Variants in MYO1E observed in about 807,000 individuals in gnomAD.
The protein encoded by MYO1E is myosin IE, also known as unconventional myosin-Ie.
A neutral mutation model predicts 151.1 loss-of-function variants in MYO1E; 68 were observed. The observed-to-expected ratio is 0.45, with a 90% CI of 0.37 to 0.55. The LOEUF (loss-of-function observed/expected upper bound fraction) is 0.55. Among genes scored for constraint, MYO1E ranks in the 20% least tolerant of loss-of-function variants. The pLI is 0.00. For synonymous variants in MYO1E, 601 were observed against 501.7 expected, an observed-to-expected ratio of 1.20 and a Z score of -2.64; for missense variants, 1,363 against 1,389.3, an observed-to-expected ratio of 0.98 and a Z score of 0.30.
At chr15:59,322,978 G>A (rs147339938) in intron 1 of MYO1E, among the ~76,000 whole-genome samples, 4,983 of 149,720 alleles carry the variant, frequency 0.033, 250 homozygotes, top group African/African-American at 0.11. Context: ...TGGCTAACAC[G>A]GTGAAACTCC....
chr15:59,347,354 GC>G (rs1261216674), intron 1 of MYO1E, among the ~76,000 whole-genome samples: 2 of 152,180 alleles, frequency 1.3e-5, no homozygotes, highest in Non-Finnish European at 2.9e-5. Flanking sequence ...ACCCCAGGCT[GC>G]AGAAAAGCTG....
intron 1 of MYO1E, among the ~76,000 whole-genome samples, chr15:59,372,016 C>T (rs541203938): frequency 2.0e-5 from 3 of 149,920 alleles, no homozygotes; most frequent in African/African-American, 7.3e-5. Context: ...TGCCGGGCAG[C>T]GGAGCGGCGG....
rs572681129 is a variant in MYO1E at position 59,180,128 on chromosome 15, C to T, written c.1905-1591G>A. Among the ~76,000 whole-genome samples, 18 of 152,284 alleles carry T rather than the reference C, an allele frequency of 1.2e-4. No individual in the cohort carries two copies. The South Asian group carries it at 3.3e-3, about 28-fold the overall frequency. On this transcript the variant is annotated intron_variant, in intron 18 of 27. Transcript: ENST00000288235. ...CTTGCCTGATAATATCATAAACTTC[C>T]TAGAGAGGTAAATCCTCCTATTCCC... is the stretch of plus-strand genomic sequence containing the variant.
Position 59,268,023 on chromosome 15 carries a change from G to C in MYO1E, c.147+4283C>G, listed in dbSNP as rs373534248. ...GACTTTCAACACAAGACAATGTGCAGGAATTAGATATAGAAGGGATAAAGT... is the reference window on the plus strand; with the variant it reads ...GACTTTCAACACAAGACAATGTGCACGAATTAGATATAGAAGGGATAAAGT... On this transcript the variant is annotated intron_variant, in intron 2 of 27. Transcript: ENST00000288235. 3.2e-4 allele frequency among the ~76,000 whole-genome samples: 48 copies of C among 152,206 alleles called. No individual in the cohort carries two copies. In the East Asian group the frequency reaches 5.2e-3, roughly 17 times the overall value.
chr15:59,229,656 T>G (rs770439245), intron 6 of MYO1E, among the ~76,000 whole-genome samples: 3 of 152,118 alleles, frequency 2.0e-5, no homozygotes, highest in Non-Finnish European at 4.4e-5. Flanking sequence ...AAATCGTGTT[T>G]GAAGTATTTC....
chr15:59,294,344 A>G (rs568660143), intron 1 of MYO1E, among the ~76,000 whole-genome samples: 1 of 152,312 alleles, frequency 6.6e-6, no homozygotes, highest in African/African-American at 2.4e-5. Context: ...CAGGAACTAA[A>G]TAGATCTGTA....
At position 59,324,175 on chromosome 15, in the gene MYO1E, G is replaced by A. The variant is rs545172168; in HGVS notation, c.3+48323C>T. The stretch of plus-strand genomic sequence containing the variant: ...ATATATCCGTGTGGGCAGTGAGGCA[G>A]TGAATGACATCTAAACTGTTAGAAA... On this transcript the variant is annotated intron_variant, in intron 1 of 27. Transcript: ENST00000288235. 3.6e-4 allele frequency among the ~76,000 whole-genome samples: 55 copies of A among 152,284 alleles called. No individual in the cohort carries two copies. The South Asian group carries it at 0.011, about 31-fold the overall frequency.
chr15:59,339,296 G>A (rs2080749012), intron 1 of MYO1E, among the ~76,000 whole-genome samples: 1 of 152,188 alleles, frequency 6.6e-6, no homozygotes, highest in Non-Finnish European at 1.5e-5. Context: ...CTTGGATACA[G>A]ATTTTATGTG....
chr15:59,269,242 A>T (rs941577169), intron 2 of MYO1E, among the ~76,000 whole-genome samples: 1 of 152,012 alleles, frequency 6.6e-6, no homozygotes, highest in African/African-American at 2.4e-5. Context: ...ATTTGGTTTC[A>T]CCCTACAACA....
chr15:59,206,973 C>T, intron 14 of MYO1E: 1 of 1,614,054 alleles, frequency 6.2e-7, no homozygotes, highest in African/African-American at 1.3e-5. Flanking sequence ...TGCGGGCCAG[C>T]CAGAGAGTGA....
intron 10 of MYO1E, among the ~76,000 whole-genome samples, chr15:59,216,671 T>TGTGTGTGTGTGTGTGTGTGTG (rs1400948189): frequency 3.7e-5 from 1 of 27,072 alleles, no homozygotes; most frequent in African/African-American, 1.2e-4. Context: ...TATGTGTATA[T>TGTGTGTGTGTGTGTGTGTGTG]ATATATATAT....
intron 22 of MYO1E, 88 bp from the exon 23 acceptor site, chr15:59,163,391 G>T: frequency 1.5e-6 from 2 of 1,316,818 alleles, no homozygotes; most frequent in Non-Finnish European, 2.1e-6. Context: ...TAAAAATCCT[G>T]CAAGATAGTG....
At chr15:59,236,924 A>C (rs960452165) in intron 4 of MYO1E, among the ~76,000 whole-genome samples, 2 of 152,260 alleles carry the variant, frequency 1.3e-5, no homozygotes, top group East Asian at 1.9e-4. Context: ...CTGACCATTA[A>C]GCATTTTACA....
Position 59,304,696 on chromosome 15 carries a change from C to T in MYO1E, c.4-32247G>A, listed in dbSNP as rs144560098. 1.4e-3 allele frequency among the ~76,000 whole-genome samples: 217 copies of T among 152,180 alleles called. 4 individuals are homozygous for T. The highest frequency in any genetic ancestry group is 5.0e-3 in the African/African-American group (209 of 41,496). On this transcript the variant is annotated intron_variant, in intron 1 of 27. Coordinates refer to ENST00000288235, the MANE Select transcript of MYO1E (RefSeq NM_004998.4). ...GTGATCTGGTTAGGGCAGAAATGCCCGGGAATCAGGCTCTTGGTTCAAATT... is the reference window on the plus strand; with the variant it reads ...GTGATCTGGTTAGGGCAGAAATGCCTGGGAATCAGGCTCTTGGTTCAAATT...
rs59491381 is a variant in MYO1E, at chr15:59,319,550, C to CTTTTTTTTTTTTTTTTTTTTTT, written c.4-47123_4-47102dup. 3.8e-4 allele frequency among the ~76,000 whole-genome samples: 24 copies of CTTTTTTTTTTTTTTTTTTTTTT among 63,712 alleles called. 1 individual carries two copies. Among genetic ancestry groups the CTTTTTTTTTTTTTTTTTTTTTT allele is most frequent in the East Asian group, 2.5e-3 (5 of 2,016 alleles). The allele number at this position is 63,712 out of a possible 152,430, so 41.8% of individuals were successfully genotyped here. ...AAGATAGGAAAAGAAGTCAAACTAC[C>CTTTTTTTTTTTTTTTTTTTTTT]TTTTTTTTTTTTTTTTTTTTTTTTT... On this transcript the variant is annotated intron_variant, in intron 1 of 27. Coordinates refer to ENST00000288235, the MANE Select transcript of MYO1E (RefSeq NM_004998.4).
intron 1 of MYO1E, among the ~76,000 whole-genome samples, chr15:59,301,386 C>T (rs2080481749): frequency 6.6e-6 from 1 of 152,164 alleles, no homozygotes; most frequent in Admixed American, 6.5e-5. Context: ...CAGAAATGCC[C>T]TCATTCCCAG....
At chr15:59,141,320 A>G (rs2079407661) in intron 26 of MYO1E, among the ~76,000 whole-genome samples, 1 of 152,220 alleles carries the variant, frequency 6.6e-6, no homozygotes, top group Non-Finnish European at 1.5e-5. Flanking sequence ...CCTCACAGAT[A>G]CTAAACTCCA....
At chr15:59,174,486 A>T (rs1223649377) in intron 19 of MYO1E, among the ~76,000 whole-genome samples, 1 of 152,200 alleles carries the variant, frequency 6.6e-6, no homozygotes, top group African/African-American at 2.4e-5. Context: ...GAGTGTATTC[A>T]GTTAGACCTT....
rs576112500 is a variant in MYO1E, at chr15:59,347,133, G to A, written c.3+25365C>T. Among the ~76,000 whole-genome samples, 25 of 152,298 alleles carry A rather than the reference G, an allele frequency of 1.6e-4. No homozygotes were observed. The East Asian group carries it at 4.4e-3, about 27-fold the overall frequency. ...CTGGCAGTGGCCTGTCAGGAACCGGGCTGCACAGCAGCAGGTGAGTGGCTG... is the reference window on the plus strand; with the variant it reads ...CTGGCAGTGGCCTGTCAGGAACCGGACTGCACAGCAGCAGGTGAGTGGCTG... On this transcript the variant is annotated intron_variant, in intron 1 of 27. Coordinates refer to ENST00000288235, the MANE Select transcript of MYO1E (RefSeq NM_004998.4).
Sources: gnomAD v4.1 joint callset for allele counts (sites outside exome capture counted in the v4.1 genomes callset) on GRCh38, gnomAD v4.1.1 for gene constraint, MANE v1.5 for transcripts, NCBI Gene and HGNC (gene_info 2026-07-23, HGNC 2026-07-21) for gene names.